The following JMJD1C variants were observed in gnomAD, a reference collection of about 807,000 sequenced individuals.
JMJD1C encodes jumonji domain containing 1C, also known as jumonji domain-containing protein 1C.
A neutral mutation model predicts 245.3 loss-of-function variants in JMJD1C; 31 were observed. The ratio of observed to expected loss-of-function variants is 0.13; its 90% CI spans 0.09 to 0.17. The LOEUF is 0.17. JMJD1C is among the 10% of genes least tolerant of loss of function. The probability of loss-of-function intolerance (pLI) is 1.00; values close to 1 mark genes in which losing one functional copy is unlikely to be tolerated. For missense variants in JMJD1C, 2,691 were observed against 3,000.2 expected (o/e 0.90, Z 2.41); for synonymous variants, 1,057 against 1,017.4 (o/e 1.04, Z -0.74).
chr10:63,249,753 G>A (rs1375049641), intron 3 of JMJD1C, among the ~76,000 whole-genome samples: 6 of 151,274 alleles, frequency 4.0e-5, no homozygotes, highest in African/African-American at 7.3e-5. Context: ...CCAACTACTC[G>A]GGAGGCTGAG....
At chr10:63,178,380 C>T (rs1843064626) in intron 22 of JMJD1C, among the ~76,000 whole-genome samples, 1 of 152,092 alleles carries the variant, frequency 6.6e-6, no homozygotes, top group Non-Finnish European at 1.5e-5. Context: ...AGATAGAAAA[C>T]CTAAGAGCAA....
At chr10:63,193,576 T>C in intron 14 of JMJD1C, 104 bp from the exon 15 acceptor site, 4 of 685,058 alleles carry the variant, frequency 5.8e-6, no homozygotes, top group Non-Finnish European at 9.1e-6. Context: ...ATAACGGAGG[T>C]TTTCTTGTGC....
At chr10:63,343,792 C>T (rs1201444963) in intron 2 of JMJD1C, among the ~76,000 whole-genome samples, 1 of 152,110 alleles carries the variant, frequency 6.6e-6, no homozygotes, top group Non-Finnish European at 1.5e-5. Context: ...AATCCCATAA[C>T]TTTGGGAGGC....
chr10:63,484,787 A>T (rs1953942555), intron 1 of JMJD1C, among the ~76,000 whole-genome samples: 1 of 152,118 alleles, frequency 6.6e-6, no homozygotes, highest in Non-Finnish European at 1.5e-5. Flanking sequence ...TGATTATGAG[A>T]TATTAATGAC....
At chr10:63,186,091 GTTTCTT>G in intron 19 of JMJD1C, 118 bp downstream of exon 19, 2 of 759,562 alleles carry the variant, frequency 2.6e-6, no homozygotes. Flanking sequence ...CCAATTACTT[GTTTCTT>G]TTTATTAGAC....
At chr10:63,261,652 G>A (rs1854776550) in intron 3 of JMJD1C, among the ~76,000 whole-genome samples, 1 of 152,154 alleles carries the variant, frequency 6.6e-6, no homozygotes, top group African/African-American at 2.4e-5. Flanking sequence ...AAATCATTCA[G>A]AGAAAAGAGT....
intron 2 of JMJD1C, among the ~76,000 whole-genome samples, chr10:63,340,424 G>C (rs1197593647): frequency 2.0e-5 from 3 of 152,046 alleles, no homozygotes; most frequent in Non-Finnish European, 2.9e-5. Context: ...GTGGTTTTTT[G>C]TTTTTTTACT....
chr10:63,244,649 A>C (rs532616670), intron 3 of JMJD1C, among the ~76,000 whole-genome samples: 15 of 152,294 alleles, frequency 9.8e-5, no homozygotes, highest in African/African-American at 3.1e-4. Context: ...AAACAGAGTG[A>C]TCTCCAAGAT....
intron 3 of JMJD1C, among the ~76,000 whole-genome samples, chr10:63,220,647 G>A (rs774229398): frequency 6.6e-6 from 1 of 152,104 alleles, no homozygotes; most frequent in African/African-American, 2.4e-5. Flanking sequence ...ATACAGTCAC[G>A]TGATTTCCCA....
At chr10:63,450,993 A>C (rs930502330) in intron 1 of JMJD1C, among the ~76,000 whole-genome samples, 1 of 152,154 alleles carries the variant, frequency 6.6e-6, no homozygotes, top group Non-Finnish European at 1.5e-5. Context: ...ACACAGATAA[A>C]TCAGTTGTGT....
At position 63,214,311 on chromosome 10, in the gene JMJD1C, G is replaced by C; in HGVS notation, c.1856C>G (p.Pro619Arg). The C allele has an allele frequency of 6.2e-7, 1 of 1,613,914 alleles. No individual in the cohort carries two copies. The highest frequency in any genetic ancestry group is 8.5e-7 in the Non-Finnish European group (1 of 1,179,828). Reference sequence around the variant, plus strand: ...AAGTTTAGATTTTATAGTCTCTGGAGGTGGACTTCGCTTATGCAGCTTATC... The same window carrying C: ...AAGTTTAGATTTTATAGTCTCTGGACGTGGACTTCGCTTATGCAGCTTATC... ...MEDKLHKRSP[P>R]PETIKSKLNT... is the part of the protein sequence containing the mutation. The change falls in exon 8 of 26, where the codon CCT (proline) becomes CGT (arginine). Residue 619 changes from proline to arginine, a missense_variant. By Grantham distance (103) the Pro-to-Arg change is moderately radical. Coordinates refer to ENST00000399262, the MANE Select transcript of JMJD1C (RefSeq NM_032776.3).
chr10:63,438,490 A>G (rs1037083999), intron 1 of JMJD1C, among the ~76,000 whole-genome samples: 9 of 152,138 alleles, frequency 5.9e-5, no homozygotes, highest in Non-Finnish European at 1.2e-4. Context: ...ATCAACAAAG[A>G]AAGTAGAGGG....
intron 1 of JMJD1C, among the ~76,000 whole-genome samples, chr10:63,413,309 G>C (rs1021457531): frequency 1.3e-5 from 2 of 152,154 alleles, no homozygotes; most frequent in African/African-American, 4.8e-5. Context: ...AGTATCAAAA[G>C]AGGTTATTAC....
At chr10:63,263,644 A>C (rs1412360912) in intron 3 of JMJD1C, among the ~76,000 whole-genome samples, 1 of 152,166 alleles carries the variant, frequency 6.6e-6, no homozygotes, top group Non-Finnish European at 1.5e-5. Context: ...TAAATATACA[A>C]ATGAAGGCCA....
intron 1 of JMJD1C, among the ~76,000 whole-genome samples, chr10:63,517,847 C>T (rs1955071106): frequency 7.4e-6 from 1 of 134,276 alleles, no homozygotes; most frequent in Admixed American, 8.4e-5. Flanking sequence ...AGCTGGAGTG[C>T]AGTGGTGCAA....
intron 2 of JMJD1C, among the ~76,000 whole-genome samples, chr10:63,314,632 T>C (rs190613038): frequency 6.6e-6 from 1 of 152,082 alleles, no homozygotes; most frequent in Non-Finnish European, 1.5e-5. Context: ...AAGTTTTGTT[T>C]TTTTTTTTTT....
intron 2 of JMJD1C, among the ~76,000 whole-genome samples, chr10:63,281,462 T>C (rs1433148623): frequency 2.3e-5 from 2 of 85,698 alleles, no homozygotes; most frequent in East Asian, 5.8e-4. Context: ...CCTGGCCTTT[T>C]TTTTTTTTTT....
chr10:63,388,792 C>T (rs913136217), intron 1 of JMJD1C, among the ~76,000 whole-genome samples: 1 of 152,056 alleles, frequency 6.6e-6, no homozygotes, highest in Non-Finnish European at 1.5e-5. Flanking sequence ...CCAAAAGAAA[C>T]TCATCTCCCC....
rs773649145 is a variant in JMJD1C, at chr10:63,465,548, C to CTCGCCAGCT, written c.106_114dup (p.Ser36_Arg38dup). 3.7e-6 allele frequency: 6 copies of CTCGCCAGCT among 1,602,736 alleles called. No homozygotes were observed. Among genetic ancestry groups the CTCGCCAGCT allele is most frequent in the Middle Eastern group, 1.7e-4 (1 of 6,040 alleles). ...TGTGACACGGCTCGGATGACCCCCG[C>CTCGCCAGCT]TCGCCAGCTTCGCCAGCCGCGTCCG... On this transcript the variant is annotated inframe_insertion, in exon 1 of 26. Transcript: ENST00000399262.
Sources: allele counts gnomAD v4.1 joint callset (sites outside exome capture counted in the v4.1 genomes callset), GRCh38; gene constraint gnomAD v4.1.1; transcripts MANE v1.5; gene names NCBI Gene and HGNC (gene_info 2026-07-23, HGNC 2026-07-21).